The following BIN3 variants were observed in gnomAD, a reference collection of about 807,000 sequenced individuals.
BIN3 encodes bridging integrator 3.
Under a neutral mutation model 38.2 loss-of-function variants are expected in BIN3, and 41 were observed. The ratio of observed to expected loss-of-function variants is 1.07; its 90% confidence interval spans 0.84 to 1.39. BIN3 has a LOEUF of 1.39. Among genes scored for constraint, BIN3 ranks in the 40% most tolerant of loss-of-function variants. The pLI, the probability that BIN3 is intolerant of heterozygous loss-of-function variation, is 0.00. For synonymous variants in BIN3, 145 were observed against 122.6 expected, an observed-to-expected ratio of 1.18 and a Z score of -1.21; for missense variants, 361 against 324.3, an observed-to-expected ratio of 1.11 and a Z score of -0.87.
intron 1 of BIN3, among the ~76,000 whole-genome samples, chr8:22,652,829 G>T (rs576091316): frequency 7.4e-4 from 113 of 152,216 alleles, no homozygotes; most frequent in African/African-American, 2.7e-3. Flanking sequence ...CTCTATCTTT[G>T]TCTCCCTACA....
At chr8:22,630,394 G>T in intron 5 of BIN3, 48 bp downstream of exon 5, 1 of 1,607,636 alleles carries the variant, frequency 6.2e-7, no homozygotes, top group South Asian at 1.1e-5. Flanking sequence ...CAGAGGCCCA[G>T]ACCGGGCAGA....
At chr8:22,649,798 A>G (rs1359490966) in intron 1 of BIN3, among the ~76,000 whole-genome samples, 2 of 147,764 alleles carry the variant, frequency 1.4e-5, no homozygotes, top group Admixed American at 6.9e-5. Flanking sequence ...AAGAGATAGA[A>G]AAACGCAAAG....
chr8:22,624,664 T>G, intron 6 of BIN3: 1 of 329,346 alleles, frequency 3.0e-6, no homozygotes, highest in Non-Finnish European at 5.6e-6. Context: ...GTGGGCCAGG[T>G]CCAGGGAGCT....
intron 2 of BIN3, among the ~76,000 whole-genome samples, chr8:22,642,216 A>G (rs963567923): frequency 2.2e-4 from 34 of 152,180 alleles, no homozygotes; most frequent in African/African-American, 8.2e-4. Flanking sequence ...CCAGGCAGCC[A>G]CAGCTGCTCC....
At chr8:22,623,814 T>A (rs1220048983) in intron 8 of BIN3, 101 bp downstream of exon 8, 1 of 1,428,992 alleles carries the variant, frequency 7.0e-7, no homozygotes, top group African/African-American at 1.4e-5. Context: ...GGGTGCCCTG[T>A]CTTTACGGAG....
intron 6 of BIN3, 50 bp from the exon 7 acceptor site, chr8:22,624,413 G>A (rs1461048975): frequency 1.3e-6 from 2 of 1,589,340 alleles, no homozygotes; most frequent in African/African-American, 1.3e-5. Flanking sequence ...GGGGTGGCCT[G>A]GCTGGAGATG....
intron 6 of BIN3, among the ~76,000 whole-genome samples, chr8:22,626,902 G>C (rs1284880218): frequency 6.6e-6 from 1 of 152,184 alleles, no homozygotes; most frequent in African/African-American, 2.4e-5. Context: ...GAGCCACCAG[G>C]AGCGCTGACT....
At chr8:22,628,405 C>T (rs1045925655) in intron 6 of BIN3, among the ~76,000 whole-genome samples, 1 of 152,126 alleles carries the variant, frequency 6.6e-6, no homozygotes, top group Non-Finnish European at 1.5e-5. Flanking sequence ...GTAGGCTGCG[C>T]GGTTTTATGT....
chr8:22,667,515 C>T (rs778701599), intron 1 of BIN3, among the ~76,000 whole-genome samples: 7 of 152,176 alleles, frequency 4.6e-5, no homozygotes, highest in South Asian at 2.1e-4. Flanking sequence ...AGATTCAAGA[C>T]GCAGCAGCCA....
chr8:22,634,969 A>C (rs1563956407), intron 4 of BIN3, among the ~76,000 whole-genome samples: 1 of 152,192 alleles, frequency 6.6e-6, no homozygotes, highest in Non-Finnish European at 1.5e-5. Flanking sequence ...CAGGGAGGTG[A>C]AATTTCTTCA....
At chr8:22,648,246 T>C (rs189669852) in intron 1 of BIN3, among the ~76,000 whole-genome samples, 302 of 152,164 alleles carry the variant, frequency 2.0e-3, no homozygotes, top group African/African-American at 6.8e-3. Flanking sequence ...GTGTGGTACA[T>C]TGGTCACAAA....
intron 1 of BIN3, among the ~76,000 whole-genome samples, chr8:22,658,256 C>G (rs924429064): frequency 6.6e-6 from 1 of 152,160 alleles, no homozygotes; most frequent in African/African-American, 2.4e-5. Context: ...CAACCCCCAA[C>G]TGCCCCACCG....
intron 1 of BIN3, among the ~76,000 whole-genome samples, chr8:22,653,333 T>C (rs746155181): frequency 1.1e-4 from 17 of 152,186 alleles, no homozygotes; most frequent in East Asian, 1.9e-4. Flanking sequence ...GTTCTCTTAA[T>C]GGATTACTCA....
intron 5 of BIN3, 113 bp from the exon 6 acceptor site, chr8:22,630,117 G>T: frequency 1.7e-6 from 2 of 1,189,048 alleles, no homozygotes; most frequent in Non-Finnish European, 2.4e-6. Context: ...ACAGGGTGCT[G>T]TCCTTGTCCT....
chr8:22,667,351 A>T (rs1014251267), intron 1 of BIN3, among the ~76,000 whole-genome samples: 3 of 152,230 alleles, frequency 2.0e-5, no homozygotes, highest in Non-Finnish European at 4.4e-5. Flanking sequence ...CCTGCTTCGG[A>T]TCACCCAGAG....
At chr8:22,662,452 G>A (rs1803265965) in intron 1 of BIN3, among the ~76,000 whole-genome samples, 1 of 152,134 alleles carries the variant, frequency 6.6e-6, no homozygotes, top group African/African-American at 2.4e-5. Context: ...TTGTTCACTT[G>A]GGTTTTCTTT....
chr8:22,630,327 G>T, intron 5 of BIN3, 115 bp downstream of exon 5: 1 of 1,428,202 alleles, frequency 7.0e-7, no homozygotes, highest in Non-Finnish European at 9.5e-7. Context: ...CGAGGCCAGA[G>T]GGCTTAGAGC....
chr8:22,625,485 T>C (rs920597219), intron 6 of BIN3: 18 of 695,438 alleles, frequency 2.6e-5, no homozygotes, highest in African/African-American at 1.7e-4. Flanking sequence ...ACTGGGATCA[T>C]AGGCACTCAG....
At chr8:22,627,359 T>C (rs1433653302) in intron 6 of BIN3, among the ~76,000 whole-genome samples, 1 of 152,132 alleles carries the variant, frequency 6.6e-6, no homozygotes, top group East Asian at 1.9e-4. Flanking sequence ...TCACTGACCC[T>C]TTGAGGCCCC....
Sources: gnomAD v4.1 joint callset for allele counts (sites outside exome capture counted in the v4.1 genomes callset) on GRCh38, gnomAD v4.1.1 for gene constraint, MANE v1.5 for transcripts, NCBI Gene and HGNC (gene_info 2026-07-23, HGNC 2026-07-21) for gene names.